SCAF8: variants seen among roughly 807,000 people sequenced by gnomAD.
SCAF8 encodes the protein SR-related CTD associated factor 8.
Under a neutral mutation model 140.5 loss-of-function variants are expected in SCAF8, and 23 were observed. The ratio of observed to expected loss-of-function variants is 0.16; its 90% confidence interval spans 0.12 to 0.23. SCAF8 has a LOEUF of 0.23. Among genes scored for constraint, SCAF8 ranks in the 10% least tolerant of loss-of-function variants. The probability of loss-of-function intolerance (pLI) is 1.00; values close to 1 mark genes in which losing one functional copy is unlikely to be tolerated. For synonymous variants in SCAF8, 575 were observed against 528.9 expected (o/e 1.09, Z -1.20); for missense variants, 1,397 against 1,555.7 (o/e 0.90, Z 1.72).
intron 19 of SCAF8, 23 bp downstream of exon 19, chr6:154,831,163 A>T (rs973542826): frequency 3.7e-5 from 53 of 1,421,924 alleles, no homozygotes; most frequent in East Asian, 7.5e-5. Context: ...AATAAAATTT[A>T]AAAAAAGAGG....
At chr6:154,784,096 A>G (rs1434906099) in intron 3 of SCAF8, among the ~76,000 whole-genome samples, 1 of 141,430 alleles carries the variant, frequency 7.1e-6, no homozygotes. Context: ...TGGCTGTTAT[A>G]TTTACTTATC....
At chr6:154,825,091 C>T (rs1778527021) in intron 17 of SCAF8, 1 of 152,112 alleles carries the variant, frequency 6.6e-6, no homozygotes, top group Non-Finnish European at 1.5e-5. Flanking sequence ...AATCAGTAGG[C>T]TCCATTTTGA....
intron 6 of SCAF8, among the ~76,000 whole-genome samples, chr6:154,795,490 AT>A (rs1246432153): frequency 6.6e-6 from 1 of 152,200 alleles, no homozygotes; most frequent in East Asian, 1.9e-4. Context: ...GTATGACAAA[AT>A]TATCGTAGGT....
At chr6:154,775,561 A>C (rs1376757717) in intron 2 of SCAF8, among the ~76,000 whole-genome samples, 8 of 152,190 alleles carry the variant, frequency 5.3e-5, no homozygotes, top group Admixed American at 1.3e-4. Context: ...AGTAATTTGC[A>C]GTAGTAGGAG....
intron 1 of SCAF8, among the ~76,000 whole-genome samples, chr6:154,753,925 ACTC>A (rs1357044899): frequency 6.6e-6 from 1 of 151,744 alleles, no homozygotes; most frequent in Non-Finnish European, 1.5e-5. Context: ...GTAGCCTTGA[ACTC>A]CTGGGCTCAA....
chr6:154,735,024 T>C (rs9371350), intron 1 of SCAF8, among the ~76,000 whole-genome samples: 7,779 of 151,224 alleles, frequency 0.051, 560 homozygotes, highest in African/African-American at 0.16. Flanking sequence ...CTTAGGAGGC[T>C]GAGGCAGGAG....
intron 10 of SCAF8, 79 bp downstream of exon 10, chr6:154,808,280 C>T: frequency 7.5e-7 from 1 of 1,331,856 alleles, no homozygotes; most frequent in Non-Finnish European, 1.1e-6. Context: ...ACTAGCAGTG[C>T]CCTGAATATA....
chr6:154,820,586 G>T (rs560388503), intron 15 of SCAF8, among the ~76,000 whole-genome samples: 1 of 152,150 alleles, frequency 6.6e-6, no homozygotes, highest in Non-Finnish European at 1.5e-5. Context: ...TTTTCAATTT[G>T]ATACTTGAGA....
At chr6:154,756,880 T>C (rs868108230) in intron 1 of SCAF8, among the ~76,000 whole-genome samples, 3 of 152,096 alleles carry the variant, frequency 2.0e-5, no homozygotes, top group Non-Finnish European at 2.9e-5. Flanking sequence ...ATACAAAAAT[T>C]AGCTGGACAT....
intron 5 of SCAF8, among the ~76,000 whole-genome samples, chr6:154,793,923 A>C (rs1583041028): frequency 2.2e-5 from 2 of 89,482 alleles, no homozygotes; most frequent in East Asian, 1.3e-3. Context: ...GTGTATGAAC[A>C]AAAATTGATG....
chr6:154,784,136 TATATATATATATATA>T (rs1777173377), intron 3 of SCAF8, among the ~76,000 whole-genome samples: 5 of 83,002 alleles, frequency 6.0e-5, no homozygotes, highest in Admixed American at 1.1e-4. Context: ...TATATATATA[TATATATATATATATA>T]TATATATTTA....
At chr6:154,758,033 C>T (rs73010923) in intron 1 of SCAF8, among the ~76,000 whole-genome samples, 2,536 of 151,730 alleles carry the variant, frequency 0.017, 27 homozygotes, top group Non-Finnish European at 0.023. Flanking sequence ...ACCTCAGCCT[C>T]CTCAGCAGCT....
chr6:154,824,199 A>T, intron 16 of SCAF8, 35 bp from the exon 17 acceptor site: 1 of 1,608,504 alleles, frequency 6.2e-7, no homozygotes, highest in East Asian at 2.2e-5. Flanking sequence ...AGGTGAATAA[A>T]CTGATGAGTG....
At chr6:154,737,323 TAGCTCTAAGAATAATC>T (rs370805638) in intron 1 of SCAF8, among the ~76,000 whole-genome samples, 1,961 of 152,340 alleles carry the variant, frequency 0.013, 48 homozygotes, top group African/African-American at 0.045. Context: ...AATCAAAATT[TAGCTCTAAGAATAATC>T]AGGAACGTTT....
rs143591432 is a variant in SCAF8, at chr6:154,832,179, G to A, written c.2600G>A (p.Gly867Glu). ...CCACCCAGTGTGTCAAATAGTTCTG[G>A]ACTTTTGGGAGTGCTACCCCCAAAT... is the stretch of plus-strand genomic sequence containing the variant. The part of the protein sequence containing the change: ...IQPPSVSNSS[G>E]LLGVLPPNIP... Residue 867 changes from glycine to glutamate, a missense_variant, in exon 20 of 20, where the codon GGA becomes GAA. Transcript: ENST00000367178. 161 of 1,614,038 alleles carry A rather than the reference G, an allele frequency of 1.0e-4. 1 individual carries two copies. The African/African-American group carries it at 1.7e-3, about 17-fold the overall frequency.
intron 13 of SCAF8, among the ~76,000 whole-genome samples, chr6:154,816,523 TC>T (rs1778255665): frequency 6.6e-6 from 1 of 152,166 alleles, no homozygotes; most frequent in African/African-American, 2.4e-5. Flanking sequence ...CTGTCTTTCT[TC>T]CTCCTGCTGT....
chr6:154,797,091 C>T (rs370381570), intron 6 of SCAF8, among the ~76,000 whole-genome samples: 34 of 151,916 alleles, frequency 2.2e-4, no homozygotes, highest in African/African-American at 8.2e-4. Context: ...ACTTACGCTA[C>T]CTTTCCTGAA....
intron 1 of SCAF8, among the ~76,000 whole-genome samples, chr6:154,764,577 A>C (rs1002016037): frequency 6.6e-6 from 1 of 152,210 alleles, no homozygotes; most frequent in African/African-American, 2.4e-5. Flanking sequence ...ATTTGATGGA[A>C]CAAACTAACT....
chr6:154,790,643 T>C (rs546669964), intron 4 of SCAF8, among the ~76,000 whole-genome samples: 13 of 151,996 alleles, frequency 8.6e-5, no homozygotes, highest in African/African-American at 3.1e-4. Context: ...CCCAAGTAGC[T>C]GGGACTACAG....
Sources: allele counts gnomAD v4.1 joint callset (sites outside exome capture counted in the v4.1 genomes callset), GRCh38; gene constraint gnomAD v4.1.1; transcripts MANE v1.5; gene names NCBI Gene and HGNC (gene_info 2026-07-23, HGNC 2026-07-21).